Variants in NOXA1 observed in about 807,000 individuals in gnomAD.
NOXA1 encodes NCF2-like protein.
Under a neutral mutation model 64.8 loss-of-function variants are expected in NOXA1, and 56 were observed. The observed-to-expected ratio is 0.86, with a 90% CI of 0.70 to 1.08. The LOEUF (loss-of-function observed/expected upper bound fraction) is 1.08, where lower values mean the gene tolerates loss of function less well. Among genes scored for constraint, NOXA1 ranks in the 50% least tolerant of loss-of-function variants. The pLI is 0.00. For synonymous variants in NOXA1, 295 were observed against 294.8 expected (o/e 1.00, Z -0.01); for missense variants, 668 against 658.5 (o/e 1.01, Z -0.16).
At position 137,434,053 on chromosome 9, in the gene NOXA1, G is replaced by A. The variant is rs1245992944; in HGVS notation, c.1268G>A (p.Gly423Glu). Residue 423 changes from glycine to glutamate, a missense_variant, in exon 13 of 14, where the codon GGG (glycine) becomes GAG (glutamate). Transcript: ENST00000683555. ...CCAGAGGACCTGGGCTTCCGACAGG[G>A]GGACACGGTGGACGTCCTGTGTGAA... is the stretch of plus-strand genomic sequence containing the variant. The part of the protein sequence containing the change: ...QGPEDLGFRQ[G>E]DTVDVLCEVD... 8.2e-6 allele frequency: 13 copies of A among 1,578,794 alleles called. No homozygotes were observed. Among genetic ancestry groups the A allele is most frequent in the Non-Finnish European group, 1.0e-5 (12 of 1,167,134 alleles).
intron 8 of NOXA1, among the ~76,000 whole-genome samples, chr9:137,432,241 C>T (rs1268079029): frequency 1.4e-5 from 2 of 147,968 alleles, no homozygotes; most frequent in Admixed American, 6.8e-5. Context: ...GACAGTGCCA[C>T]TCCACTCCGG....
chr9:137,427,519 G>A (rs1239331060), intron 2 of NOXA1, among the ~76,000 whole-genome samples: 2 of 152,252 alleles, frequency 1.3e-5, no homozygotes, highest in African/African-American at 4.8e-5. Flanking sequence ...CCCAGCATTC[G>A]GGATTATGGC....
chr9:137,429,398 G>T lies in NOXA1; in HGVS notation c.612+15G>T. ...GCAAGGCCAAGGTAAAGGTGGGGAC[G>T]GCGTCCTGGGGCATGGCGGCTGGTG... On this transcript the variant is annotated intron_variant, in intron 5 of 13. Coordinates refer to ENST00000683555, the MANE Select transcript of NOXA1 (RefSeq NM_001256067.2). The T allele has an allele frequency of 2.0e-6, 3 of 1,519,696 alleles. No individual in the cohort carries two copies. Among genetic ancestry groups the T allele is most frequent in the Non-Finnish European group, 2.7e-6 (3 of 1,117,384 alleles). The allele number at this position is 1,519,696 out of a possible 1,614,324, so 94.1% of individuals were successfully genotyped here. A position where few individuals can be genotyped will look rare whatever the true frequency, so the allele number is the denominator to read the frequency against.
chr9:137,433,284 C>T (rs1263941805), intron 10 of NOXA1, 21 bp downstream of exon 10: 1 of 1,549,106 alleles, frequency 6.5e-7, no homozygotes, highest in African/African-American at 1.4e-5. Context: ...CTAGACCCTT[C>T]ACCTGTCAGT....
chr9:137,423,752 G>A, intron 1 of NOXA1, 46 bp downstream of exon 1: 1 of 1,225,728 alleles, frequency 8.2e-7, no homozygotes, highest in Non-Finnish European at 1.0e-6. Flanking sequence ...CCTCCGCCTC[G>A]AGCCCCTGGG....
In NOXA1 at chr9:137,434,034, G is replaced by T; in HGVS notation, c.1249G>T (p.Asp417Tyr). 1 of 1,574,714 alleles carries T rather than the reference G, an allele frequency of 6.4e-7. No individual in the cohort carries two copies. Among genetic ancestry groups the T allele is most frequent in the East Asian group, 2.3e-5 (1 of 43,726 alleles). Residue 417 changes from aspartate (D) to tyrosine (Y), a missense_variant, in exon 13 of 14, where the codon GAC becomes TAC. Coordinates refer to ENST00000683555, the MANE Select transcript of NOXA1 (RefSeq NM_001256067.2). Reference protein sequence around the residue: ...QHSYSAQGPEDLGFRQGDTVD... With the variant: ...QHSYSAQGPEYLGFRQGDTVD... ...CAGCTACTCCGCCCAGGGGCCAGAG[G>T]ACCTGGGCTTCCGACAGGGGGACAC...
chr9:137,431,365 C>T lies in NOXA1; in HGVS notation c.804+24C>T, dbSNP rs1225209959. 9 of 1,585,786 alleles carry T rather than the reference C, an allele frequency of 5.7e-6. No homozygotes were observed. The highest frequency in any genetic ancestry group is 7.7e-6 in the Non-Finnish European group (9 of 1,164,138). On this transcript the variant is annotated intron_variant, in intron 8 of 13. Transcript: ENST00000683555. This position sits in a 1 kb window ranked among gnomAD's most constrained non-coding sequence, Gnocchi z 5.6. ...AGGTGCGTGGGCCTGGGCCTCTTCC[C>T]CTGCTGGGGGTCGGTGCTTCTGCTG...
In NOXA1 at chr9:137,431,303, G is replaced by A. The variant is rs141558298; in HGVS notation, c.766G>A (p.Gly256Ser). The change falls in exon 8 of 14, where the codon GGT becomes AGT. Residue 256 changes from glycine (G) to serine (S), a missense_variant. Coordinates refer to ENST00000683555, the MANE Select transcript of NOXA1 (RefSeq NM_001256067.2). The surrounding 1 kb of genome is among the most constrained non-coding windows in gnomAD (Gnocchi z 5.6). ...QGPLDAETEV[G>S]ADRCTSTAYQ... ...CCCCCTCGATGCAGAGACAGAGGTC[G>A]GTGCTGACCGCTGCACGTCGACTGC... The A allele has an allele frequency of 8.7e-6, 14 of 1,611,722 alleles. No homozygotes were observed. Among genetic ancestry groups the A allele is most frequent in the South Asian group, 2.2e-5 (2 of 91,084 alleles).
At position 137,431,280 on chromosome 9, in the gene NOXA1, C is replaced by T; in HGVS notation, c.743C>T (p.Pro248Leu). 1 of 1,612,754 alleles carries T rather than the reference C, an allele frequency of 6.2e-7. No individual in the cohort carries two copies. The highest frequency in any genetic ancestry group is 1.3e-5 in the African/African-American group (1 of 75,058). ...DSPRAGTHQG[P>L]LDAETEVGAD... The stretch of plus-strand genomic sequence containing the variant: ...CCAAGAGCTGGCACCCACCAGGGCC[C>T]CCTCGATGCAGAGACAGAGGTCGGT... The change falls in exon 8 of 14, where the codon CCC becomes CTC. Residue 248 changes from proline to leucine, a missense_variant. By Grantham distance (98) the Pro-to-Leu change is moderately conservative (BLOSUM62 -3). Transcript: ENST00000683555. The surrounding 1 kb of genome is among the most constrained non-coding windows in gnomAD (Gnocchi z 5.6).
rs960217626 is a variant in NOXA1 at position 137,428,998 on chromosome 9, A to G, written c.486A>G (p.Ser162=). 6 of 1,575,296 alleles carry G rather than the reference A, an allele frequency of 3.8e-6. No homozygotes were observed. The highest frequency in any genetic ancestry group is 5.2e-6 in the Non-Finnish European group (6 of 1,158,798). Residue 162 remains serine (S), a synonymous_variant, in exon 4 of 14, where the codon TCA becomes TCG. Transcript: ENST00000683555. The part of the protein sequence containing the change: ...WPEGSLNGLD[S]ALDQVQRRGS... ...AGGGGTCCCTGAATGGCCTGGACTCAGCCCTGGACCAAGTGCAGGTGAGGA... is the reference window on the plus strand; with the variant it reads ...AGGGGTCCCTGAATGGCCTGGACTCGGCCCTGGACCAAGTGCAGGTGAGGA...
chr9:137,429,302 G>T lies in NOXA1; in HGVS notation c.531G>T (p.Gln177His). ...VQRRGSLPPR[Q>H]VPRGEVFRPH... ...GACGGGGCTCACTGCCGCCACGGCA[G>T]GTCCCCAGGGGCGAGGTCTTCCGGC... The change falls in exon 5 of 14, where the codon CAG (glutamine) becomes CAT (histidine). Residue 177 changes from glutamine (Q) to histidine (H), a missense_variant. By Grantham distance (24) the Gln-to-His change is conservative. Transcript: ENST00000683555. The T allele has an allele frequency of 6.4e-7, 1 of 1,572,320 alleles. No homozygotes were observed. The highest frequency in any genetic ancestry group is 2.3e-5 in the East Asian group (1 of 43,106).
chr9:137,428,385 G>C (rs1255323491), intron 3 of NOXA1, among the ~76,000 whole-genome samples: 2 of 152,118 alleles, frequency 1.3e-5, no homozygotes, highest in Non-Finnish European at 2.9e-5. Context: ...GCGAAAGGCT[G>C]CTGGGTGGGC....
At position 137,433,977 on chromosome 9, in the gene NOXA1, C is replaced by T. The variant is rs189599937; in HGVS notation, c.1192C>T (p.Arg398Trp). ...LQLQCRGAGG[R>W]PVLYQVVAQH... ...TCTCCTGCCTCAGGGAGCCGGGGGT[C>T]GGCCGGTCCTCTACCAGGTGGTGGC... The change falls in exon 13 of 14, where the codon CGG becomes TGG. Residue 398 changes from arginine to tryptophan, a missense_variant. Coordinates refer to ENST00000683555, the MANE Select transcript of NOXA1 (RefSeq NM_001256067.2). 55 of 1,548,992 alleles carry T rather than the reference C, an allele frequency of 3.6e-5. 1 individual carries two copies. Among genetic ancestry groups the T allele is most frequent in the South Asian group, 7.1e-5 (6 of 84,438 alleles).
Position 137,431,360 on chromosome 9 carries a change from C to G in NOXA1, c.804+19C>G. 6.3e-7 allele frequency: 1 copy of G among 1,592,258 alleles called. No homozygotes were observed. ...GGAGCAGGTGCGTGGGCCTGGGCCT[C>G]TTCCCCTGCTGGGGGTCGGTGCTTC... On this transcript the variant is annotated intron_variant, in intron 8 of 13. Coordinates refer to ENST00000683555, the MANE Select transcript of NOXA1 (RefSeq NM_001256067.2). The surrounding 1 kb of genome is among the most constrained non-coding windows in gnomAD (Gnocchi z 5.6).
chr9:137,430,345 T>C (rs1285232719), intron 5 of NOXA1, among the ~76,000 whole-genome samples: 1 of 152,116 alleles, frequency 6.6e-6, no homozygotes, highest in Non-Finnish European at 1.5e-5. Flanking sequence ...GGGCAAAGAC[T>C]GGGTCACCCT....
rs1418250386 is a variant in NOXA1, at chr9:137,428,783, GGCTGGGTGGGCAGACCGAGGGAGGA to G, written c.370-88_370-64del. On this transcript the variant is annotated intron_variant, in intron 3 of 13. Coordinates refer to ENST00000683555, the MANE Select transcript of NOXA1 (RefSeq NM_001256067.2). ...GGCCAGGTGGGGGGACTGGGGGAGG[GGCTGGGTGGGCAGACCGAGGGAGGA>G]GCTGGGTGGGGGAACCGGGAGAGGG... 1.1e-4 allele frequency: 141 copies of G among 1,283,682 alleles called. 1 individual carries two copies. The East Asian group carries it at 2.5e-3, about 23-fold the overall frequency. The allele number at this position is 1,283,682 out of a possible 1,614,324, so 79.5% of individuals were successfully genotyped here.
At position 137,431,447 on chromosome 9, in the gene NOXA1, C is replaced by A; in HGVS notation, c.804+106C>A. ...ACATGAGGGTGGAGGGAGCAGCTCG[C>A]TGGGGGGTAGACGGGGCCGGGCTCA... is the stretch of plus-strand genomic sequence containing the variant. On this transcript the variant is annotated intron_variant, in intron 8 of 13. Transcript: ENST00000683555. The surrounding 1 kb of genome is among the most constrained non-coding windows in gnomAD (Gnocchi z 5.6). 1.1e-6 allele frequency: 1 copy of A among 880,270 alleles called. No homozygotes were observed. Among genetic ancestry groups the A allele is most frequent in the Non-Finnish European group, 1.8e-6 (1 of 559,098 alleles). The allele number at this position is 880,270 out of a possible 1,614,324, so 54.5% of individuals were successfully genotyped here. A position where few individuals can be genotyped will look rare whatever the true frequency, so the allele number is the denominator to read the frequency against.
chr9:137,425,417 G>A (rs981358004), intron 1 of NOXA1, among the ~76,000 whole-genome samples: 2 of 152,022 alleles, frequency 1.3e-5, no homozygotes, highest in African/African-American at 4.8e-5. Context: ...ACGGAATCTC[G>A]CTCTGTCTTG....
At chr9:137,429,525 G>A in intron 5 of NOXA1, 142 bp downstream of exon 5, 2 of 624,784 alleles carry the variant, frequency 3.2e-6, no homozygotes, top group Non-Finnish European at 5.5e-6. Flanking sequence ...TCCTCAAACT[G>A]GCGCCCACGG....
Sources: allele counts gnomAD v4.1 joint callset (sites outside exome capture counted in the v4.1 genomes callset), GRCh38; gene constraint gnomAD v4.1.1; non-coding constraint Gnocchi (gnomAD v3.1); transcripts MANE v1.5; gene names NCBI Gene and HGNC (gene_info 2026-07-23, HGNC 2026-07-21).